The following IL17F variants were observed in gnomAD, a reference collection of about 807,000 sequenced individuals.
The protein encoded by IL17F is interleukin-17F.
Under a neutral mutation model 8.3 loss-of-function variants are expected in IL17F, and 6 were observed. The ratio of observed to expected loss-of-function variants is 0.73; its 90% CI spans 0.40 to 1.43. The LOEUF is 1.43. IL17F is among the 40% of genes most tolerant of loss of function. The pLI is 0.02. For synonymous variants in IL17F, 98 were observed against 81.6 expected, an observed-to-expected ratio of 1.20 and a Z score of -1.08; for missense variants, 204 against 209.6, an observed-to-expected ratio of 0.97 and a Z score of 0.17.
At chr6:52,239,025 A>G in intron 1 of IL17F, 75 bp from the exon 2 acceptor site, 1 of 1,303,710 alleles carries the variant, frequency 7.7e-7, no homozygotes, top group South Asian at 1.2e-5. Context: ...GTCTGGCGGA[A>G]CTCAGCATTC....
rs771763707 is a variant in IL17F at position 52,238,861 on chromosome 6, G to GA, written c.122dup (p.Gln42ProfsTer4). 1.9e-6 allele frequency: 3 copies of GA among 1,613,848 alleles called. No homozygotes were observed. Among genetic ancestry groups the GA allele is most frequent in the Non-Finnish European group, 2.5e-6 (3 of 1,179,898 alleles). ...CAGGCGGGCAACTCTCAGGCTTTTG[G>GA]AAAAAAGTATGTCCTACTTTGGGGA... is the stretch of plus-strand genomic sequence containing the variant. On this transcript the variant is annotated frameshift_variant, in exon 2 of 3. Transcript: ENST00000336123. LOFTEE classifies it high-confidence loss of function.
At chr6:52,242,377 C>G (rs1014279218) in intron 1 of IL17F, among the ~76,000 whole-genome samples, 2 of 152,190 alleles carry the variant, frequency 1.3e-5, no homozygotes, top group Non-Finnish European at 2.9e-5. Flanking sequence ...CCTGGCCAAC[C>G]TCTAGGTCCA....
chr6:52,243,826 G>A (rs562346115), intron 1 of IL17F, among the ~76,000 whole-genome samples: 1 of 152,200 alleles, frequency 6.6e-6, no homozygotes, highest in African/African-American at 2.4e-5. Flanking sequence ...GCAGTGGCGT[G>A]ATCTTGGCTC....
chr6:52,238,211 G>A (rs1764003938), intron 2 of IL17F, among the ~76,000 whole-genome samples: 1 of 152,234 alleles, frequency 6.6e-6, no homozygotes, highest in Non-Finnish European at 1.5e-5. Flanking sequence ...CATTTGGAGA[G>A]TATGAGGGAG....
intron 1 of IL17F, among the ~76,000 whole-genome samples, chr6:52,242,214 G>C (rs1764087022): frequency 6.6e-6 from 1 of 152,134 alleles, no homozygotes; most frequent in Non-Finnish European, 1.5e-5. Context: ...AGGGGACAGG[G>C]GCAAGGGAAA....
intron 1 of IL17F, chr6:52,239,215 G>T (rs1764025797): frequency 4.3e-6 from 2 of 463,924 alleles, no homozygotes; most frequent in South Asian, 4.7e-5. Context: ...AGATGCAAGG[G>T]TCTGAGATTG....
chr6:52,242,452 C>T (rs986620038), intron 1 of IL17F, among the ~76,000 whole-genome samples: 2 of 152,236 alleles, frequency 1.3e-5, no homozygotes, highest in Non-Finnish European at 2.9e-5. Context: ...ACTTCTAATC[C>T]TATTCCAATG....
At chr6:52,240,975 G>A (rs988178180) in intron 1 of IL17F, among the ~76,000 whole-genome samples, 2 of 152,048 alleles carry the variant, frequency 1.3e-5, no homozygotes, top group African/African-American at 4.8e-5. Flanking sequence ...CAATACTGGC[G>A]ACTCTTGCTA....
chr6:52,244,557 C>A (rs547189875), upstream of IL17F: 119 of 888,366 alleles, frequency 1.3e-4, 1 homozygote, highest in Middle Eastern at 3.8e-3. Context: ...TTCGATTGAC[C>A]TGCTTACTGT....
rs1055662805 is a variant in IL17F, at chr6:52,244,341, T to C, written c.33+56A>G. 9 of 1,544,890 alleles carry C rather than the reference T, an allele frequency of 5.8e-6. No homozygotes were observed. The Admixed American group carries it at 1.0e-4, about 17-fold the overall frequency. ...TCAAACCTAATTCCTTAGGATTCTG[T>C]TTTCTGAAATCCTAGGCATGACAGT... On this transcript the variant is annotated intron_variant, in intron 1 of 2. Coordinates refer to ENST00000336123, the MANE Select transcript of IL17F (RefSeq NM_052872.4).
intron 1 of IL17F, among the ~76,000 whole-genome samples, chr6:52,241,156 G>A (rs949162066): frequency 1.3e-5 from 2 of 152,100 alleles, no homozygotes; most frequent in African/African-American, 4.8e-5. Context: ...TTGGTTTACT[G>A]CAATCTCCGC....
chr6:52,241,694 G>A (rs1764077232), intron 1 of IL17F, among the ~76,000 whole-genome samples: 1 of 152,124 alleles, frequency 6.6e-6, no homozygotes, highest in Admixed American at 6.5e-5. Context: ...ACAACTACCT[G>A]GTGAGGTAAT....
At position 52,236,959 on chromosome 6, in the gene IL17F, A is replaced by C. The variant is rs746053425; in HGVS notation, c.464T>G (p.Val155Gly). 8.1e-6 allele frequency: 13 copies of C among 1,614,084 alleles called. No homozygotes were observed. Among genetic ancestry groups the C allele is most frequent in the Non-Finnish European group, 1.1e-5 (13 of 1,179,920 alleles). The change falls in exon 3 of 3, where the codon GTC becomes GGC. Residue 155 changes from valine (V) to glycine (G), a missense_variant. Transcript: ENST00000336123. ...KVLVTVGCTC[V>G]TPVIHHVQ ...CTGCACATGGTGGATGACAGGGGTG[A>C]CGCAGGTGCAGCCAACAGTCACCAG...
intron 2 of IL17F, among the ~76,000 whole-genome samples, chr6:52,237,635 C>A (rs6901370): frequency 6.6e-6 from 1 of 151,924 alleles, no homozygotes; most frequent in Non-Finnish European, 1.5e-5. Context: ...GAATCTCAGA[C>A]CTTCTCTCCA....
chr6:52,238,902 C>A lies in IL17F; in HGVS notation c.82G>T (p.Ala28Ser), dbSNP rs777234343. The A allele has an allele frequency of 1.9e-6, 3 of 1,613,892 alleles. No homozygotes were observed. The highest frequency in any genetic ancestry group is 2.2e-5 in the South Asian group (2 of 91,070). ...ACTTTGGGGATTTTCCGAGCTGCCG[C>A]CTCACTCAGAAAGGCAAGCCCCAAT... ...SILGLAFLSE[A>S]AARKIPKVGH... Residue 28 changes from alanine (A) to serine (S), a missense_variant, in exon 2 of 3, where the codon GCG becomes TCG. Physicochemically the swap from Ala to Ser is moderately conservative, Grantham distance 99 (BLOSUM62 1). Coordinates refer to ENST00000336123, the MANE Select transcript of IL17F (RefSeq NM_052872.4).
At chr6:52,244,129 A>C (rs1218413855) in intron 1 of IL17F, among the ~76,000 whole-genome samples, 1 of 152,074 alleles carries the variant, frequency 6.6e-6, no homozygotes, top group Non-Finnish European at 1.5e-5. Flanking sequence ...TCCTGAACTC[A>C]TGTGACCCGC....
At chr6:52,240,609 G>A (rs956743676) in intron 1 of IL17F, among the ~76,000 whole-genome samples, 5 of 151,974 alleles carry the variant, frequency 3.3e-5, no homozygotes, top group Non-Finnish European at 5.9e-5. Flanking sequence ...AAAACAATAA[G>A]AGTAAACAAA....
chr6:52,237,197 G>T (rs773196295), intron 2 of IL17F, 29 bp from the exon 3 acceptor site: 2 of 1,540,884 alleles, frequency 1.3e-6, no homozygotes, highest in Non-Finnish European at 1.8e-6. Context: ...AAAGCACAAT[G>T]GTGAGGCATG....
In IL17F at chr6:52,236,808, G is replaced by T; in HGVS notation, c.*123C>A. 2.5e-6 allele frequency: 2 copies of T among 798,760 alleles called. No homozygotes were observed. The highest frequency in any genetic ancestry group is 2.3e-6 in the Non-Finnish European group (1 of 440,840). 49.5% of individuals were successfully genotyped at this position (798,760 alleles called of 1,614,324 possible). A position where few individuals can be genotyped will look rare whatever the true frequency, so the allele number is the denominator to read the frequency against. On this transcript the variant is annotated 3_prime_UTR_variant, in exon 3 of 3. Coordinates refer to ENST00000336123, the MANE Select transcript of IL17F (RefSeq NM_052872.4). Reference sequence around the variant, plus strand: ...TTGTGAATATTTTCTGTTTCCATCCGTGCAGGTCTTATTAAGAGTCCTGTG... The same window carrying T: ...TTGTGAATATTTTCTGTTTCCATCCTTGCAGGTCTTATTAAGAGTCCTGTG...
Sources: allele counts gnomAD v4.1 joint callset (sites outside exome capture counted in the v4.1 genomes callset), GRCh38; gene constraint gnomAD v4.1.1; transcripts MANE v1.5; gene names NCBI Gene and HGNC (gene_info 2026-07-23, HGNC 2026-07-21).